PTH2R: variants seen among roughly 807,000 people sequenced by gnomAD.
The protein encoded by PTH2R is PTH2 receptor.
PTH2R carries 59 observed loss-of-function variants against 60.3 expected under a neutral mutation model. That is an observed-to-expected ratio of 0.98 (90% CI 0.79 to 1.22). The LOEUF (loss-of-function observed/expected upper bound fraction) is 1.22. Among genes scored for constraint, PTH2R ranks in the 50% most tolerant of loss-of-function variants. The probability of loss-of-function intolerance (pLI) is 0.00; values close to 1 mark genes in which losing one functional copy is unlikely to be tolerated. For synonymous variants in PTH2R, 256 were observed against 243.8 expected (o/e 1.05, Z -0.47); for missense variants, 749 against 682.6 (o/e 1.10, Z -1.08).
intron 1 of PTH2R, among the ~76,000 whole-genome samples, chr2:208,392,104 C>A (rs1701118795): frequency 2.0e-5 from 3 of 152,174 alleles, no homozygotes. Flanking sequence ...CGGGATGTAA[C>A]AGTATGCAGA....
chr2:208,459,933 A>G lies in PTH2R; in HGVS notation c.953A>G (p.Tyr318Cys), dbSNP rs1365889619. The G allele has an allele frequency of 2.5e-6, 4 of 1,613,152 alleles. No homozygotes were observed. In the African/African-American group the frequency reaches 5.3e-5, roughly 22 times the overall value. Residue 318 changes from tyrosine (Y) to cysteine (C), a missense_variant, in exon 9 of 13, where the codon TAT becomes TGT. Coordinates refer to ENST00000272847, the MANE Select transcript of PTH2R (RefSeq NM_005048.4). ...AGTGCTGGAGACATCAAGTGGATTT[A>G]TCAAGCACCGATCTTAGCAGCTATT... Reference protein sequence around the residue: ...ELSAGDIKWIYQAPILAAIGL... With the variant: ...ELSAGDIKWICQAPILAAIGL...
intron 9 of PTH2R, among the ~76,000 whole-genome samples, chr2:208,478,139 T>G (rs1703061048): frequency 6.6e-6 from 1 of 152,190 alleles, no homozygotes; most frequent in African/African-American, 2.4e-5. Flanking sequence ...GTTATGTTTT[T>G]ATTGATTTAT....
At chr2:208,483,265 A>G (rs961942162) in intron 10 of PTH2R, among the ~76,000 whole-genome samples, 1 of 152,204 alleles carries the variant, frequency 6.6e-6, no homozygotes, top group African/African-American at 2.4e-5. Flanking sequence ...TGAAAGGTCT[A>G]TGCTATACTA....
At chr2:208,475,832 A>G (rs1702989342) in intron 9 of PTH2R, among the ~76,000 whole-genome samples, 1 of 152,142 alleles carries the variant, frequency 6.6e-6, no homozygotes, top group Non-Finnish European at 1.5e-5. Context: ...CAAGCTAAGA[A>G]CTAATCTTTC....
chr2:208,419,617 G>T (rs913958697), intron 1 of PTH2R, among the ~76,000 whole-genome samples: 4 of 152,170 alleles, frequency 2.6e-5, no homozygotes, highest in Non-Finnish European at 5.9e-5. Context: ...GTCCTGAATG[G>T]TATTCCCTAG....
At chr2:208,461,339 TTAAAGA>T (rs1702631206) in intron 9 of PTH2R, among the ~76,000 whole-genome samples, 1 of 152,110 alleles carries the variant, frequency 6.6e-6, no homozygotes, top group African/African-American at 2.4e-5. Context: ...ATCAGTGAAC[TTAAAGA>T]TAAAAATTAA....
intron 8 of PTH2R, among the ~76,000 whole-genome samples, chr2:208,454,440 G>T (rs1281862105): frequency 6.6e-6 from 1 of 152,182 alleles, no homozygotes; most frequent in Non-Finnish European, 1.5e-5. Context: ...TGCCAGAGAG[G>T]CTGGCTCTCC....
intron 8 of PTH2R, among the ~76,000 whole-genome samples, chr2:208,453,040 A>G (rs2105881389): frequency 6.6e-6 from 1 of 152,310 alleles, no homozygotes; most frequent in South Asian, 2.1e-4. Context: ...AGTTGATTTA[A>G]CACATCTGGT....
chr2:208,429,489 G>A (rs957391194), intron 2 of PTH2R, among the ~76,000 whole-genome samples: 1 of 151,916 alleles, frequency 6.6e-6, no homozygotes, highest in Non-Finnish European at 1.5e-5. Context: ...TAGGATACTT[G>A]TCCTTCATAT....
chr2:208,382,467 T>G lies in PTH2R; in HGVS notation c.-259+22230T>G, dbSNP rs1029547774. On this transcript the variant is annotated intron_variant, in intron 1 of 12. Coordinates refer to the PTH2R transcript ENST00000617735. ...ACACTAGCAATTTTGATGCTGTATGTCTACAACCTAAGAGAATCTAATAAT... is the reference window on the plus strand; with the variant it reads ...ACACTAGCAATTTTGATGCTGTATGGCTACAACCTAAGAGAATCTAATAAT... 9.3e-5 allele frequency among the ~76,000 whole-genome samples: 14 copies of G among 151,166 alleles called. 1 individual carries two copies. Among genetic ancestry groups the G allele is most frequent in the African/African-American group, 3.2e-4 (13 of 40,480 alleles).
chr2:208,372,805 C>T (rs902946250), intron 1 of PTH2R, among the ~76,000 whole-genome samples: 2 of 152,042 alleles, frequency 1.3e-5, no homozygotes, highest in Admixed American at 1.3e-4. Context: ...TATGTTCTGG[C>T]TGGGCGCGGT....
In PTH2R at chr2:208,381,551, T is replaced by C. The variant is rs115561820; in HGVS notation, c.-259+21314T>C. On this transcript the variant is annotated intron_variant, in intron 1 of 12. Coordinates refer to the PTH2R transcript ENST00000617735. ...GATCCTCCTGCCTCACACTCTGGAG[T>C]AGCTGGGATTATAGACCTGAGCCAT... Among the ~76,000 whole-genome samples the C allele has an allele frequency of 8.0e-3, 1,212 of 152,046 alleles. 19 individuals are homozygous for C. The highest frequency in any genetic ancestry group is 0.027 in the African/African-American group (1,133 of 41,414).
intron 12 of PTH2R, among the ~76,000 whole-genome samples, chr2:208,491,130 GATA>G: frequency 6.6e-6 from 1 of 152,262 alleles, no homozygotes; most frequent in Non-Finnish European, 1.5e-5. Flanking sequence ...AACTACACTA[GATA>G]ATAATACATT....
At chr2:208,423,115 C>T (rs1231191841) in intron 1 of PTH2R, among the ~76,000 whole-genome samples, 1 of 151,280 alleles carries the variant, frequency 6.6e-6, no homozygotes, top group African/African-American at 2.4e-5. Context: ...TTTATGATGT[C>T]CTTCTTTCTA....
intron 1 of PTH2R, among the ~76,000 whole-genome samples, chr2:208,401,583 A>G (rs1374265827): frequency 6.6e-6 from 1 of 151,282 alleles, no homozygotes; most frequent in Non-Finnish European, 1.5e-5. Context: ...TTTCCTCCTC[A>G]GGGTTTGCAG....
intron 1 of PTH2R, among the ~76,000 whole-genome samples, chr2:208,416,133 T>C (rs1312177453): frequency 6.6e-6 from 1 of 152,154 alleles, no homozygotes; most frequent in African/African-American, 2.4e-5. Context: ...TACTGAAGCG[T>C]TTGCCTTGAA....
chr2:208,377,313 C>T (rs189226257), intron 1 of PTH2R, among the ~76,000 whole-genome samples: 3 of 152,276 alleles, frequency 2.0e-5, no homozygotes, highest in African/African-American at 7.2e-5. Flanking sequence ...TCTATCCTTT[C>T]CCCACCTTTC....
At chr2:208,449,670 G>A (rs748775380) in intron 7 of PTH2R, among the ~76,000 whole-genome samples, 1 of 152,066 alleles carries the variant, frequency 6.6e-6, no homozygotes, top group South Asian at 2.1e-4. Context: ...TCACTAAGGA[G>A]ACCAAAGACA....
intron 1 of PTH2R, among the ~76,000 whole-genome samples, chr2:208,415,402 T>C (rs1205021172): frequency 6.6e-6 from 1 of 152,228 alleles, no homozygotes; most frequent in Admixed American, 6.5e-5. Context: ...ATTCACCTAC[T>C]ACCGCTTCGC....
Sources: gnomAD v4.1 joint callset for allele counts (sites outside exome capture counted in the v4.1 genomes callset) on GRCh38, gnomAD v4.1.1 for gene constraint, MANE v1.5 for transcripts, NCBI Gene and HGNC (gene_info 2026-07-23, HGNC 2026-07-21) for gene names.